PLAGL1: variants seen among roughly 807,000 people sequenced by gnomAD.
The protein encoded by PLAGL1 is zinc finger protein PLAGL1.
Under a neutral mutation model 4.6 loss-of-function variants are expected in PLAGL1, and 1 was observed. That is an observed-to-expected ratio of 0.22 (90% CI 0.08 to 1.03). The LOEUF is 1.03. Among genes scored for constraint, PLAGL1 ranks in the 50% least tolerant of loss-of-function variants. The pLI, the probability that PLAGL1 is intolerant of heterozygous loss-of-function variation, is 0.58. For synonymous variants in PLAGL1, 240 were observed against 237.8 expected (o/e 1.01, Z -0.08); for missense variants, 464 against 570.4 (o/e 0.81, Z 1.90).
At position 143,997,111 on chromosome 6, in the gene PLAGL1, TGA is replaced by T. The variant is rs1444240036; in HGVS notation, c.-584+10977_-584+10978del. On this transcript the variant is annotated intron_variant, in intron 1 of 7. Coordinates refer to ENST00000674357, the MANE Select transcript of PLAGL1 (RefSeq NM_001317162.2). The surrounding 1 kb of genome is among the most constrained non-coding windows in gnomAD (Gnocchi z 4.6). ...TGAAAACCATGAGACCATGAAGCCATGAGATATCACCTCAAACCCACCAGAGG... is the reference window on the plus strand; with the variant it reads ...TGAAAACCATGAGACCATGAAGCCATGATATCACCTCAAACCCACCAGAGG... 6.6e-6 allele frequency among the ~76,000 whole-genome samples: 1 copy of T among 152,164 alleles called. No homozygotes were observed. The highest frequency in any genetic ancestry group is 1.5e-5 in the Non-Finnish European group (1 of 68,038).
Position 144,004,420 on chromosome 6 carries a change from T to C in PLAGL1, c.-584+3670A>G, listed in dbSNP as rs568296614. ...CAGGCCATAGTTTGCCAACCCTTGA[T>C]ACAAAGCAAAAATAAAAAACAAACA... On this transcript the variant is annotated intron_variant, in intron 1 of 7. Coordinates refer to ENST00000674357, the MANE Select transcript of PLAGL1 (RefSeq NM_001317162.2). The surrounding 1 kb of genome is among the most constrained non-coding windows in gnomAD (Gnocchi z 4.2). Among the ~76,000 whole-genome samples the C allele has an allele frequency of 2.4e-4, 37 of 152,234 alleles. No homozygotes were observed. Among genetic ancestry groups the C allele is most frequent in the Non-Finnish European group, 4.4e-4 (30 of 68,042 alleles).
chr6:144,025,487 T>A (rs191595677), intron 1 of PLAGL1, among the ~76,000 whole-genome samples: 343 of 152,356 alleles, frequency 2.3e-3, no homozygotes, highest in Middle Eastern at 0.014. Context: ...AAATGTAAGA[T>A]GTTAATGCTC....
chr6:144,019,044 A>G (rs956192548), intron 1 of PLAGL1, among the ~76,000 whole-genome samples: 1 of 152,154 alleles, frequency 6.6e-6, no homozygotes, highest in Admixed American at 6.5e-5. Context: ...TAAAACAACA[A>G]CAACAACAAC....
rs566033168 is a variant in PLAGL1, at chr6:143,944,394, G to A, written c.153-1731C>T. Among the ~76,000 whole-genome samples, 65 of 151,868 alleles carry A rather than the reference G, an allele frequency of 4.3e-4. No individual in the cohort carries two copies. The Middle Eastern group carries it at 0.014, about 32-fold the overall frequency. On this transcript the variant is annotated intron_variant, in intron 7 of 7. Transcript: ENST00000674357. ...AAAAAATATAAAGCTAATCTGAATC[G>A]AACTGTCATTTTCTTAAAAATAAAG... is the stretch of plus-strand genomic sequence containing the variant.
intron 1 of PLAGL1, among the ~76,000 whole-genome samples, chr6:143,993,035 G>A (rs1315916890): frequency 6.7e-6 from 1 of 150,126 alleles, no homozygotes; most frequent in Admixed American, 6.6e-5. Context: ...ACGGCCGGGT[G>A]CGGTGGCTCA....
Position 143,954,661 on chromosome 6 carries a change from A to T in PLAGL1, c.-325+5808T>A, listed in dbSNP as rs1454388698. ...TAACAAAACAGAGTATACTATCTTC[A>T]TCACATGACAAAGTTACCTATTATC... On this transcript the variant is annotated intron_variant, in intron 6 of 7. Coordinates refer to ENST00000674357, the MANE Select transcript of PLAGL1 (RefSeq NM_001317162.2). The surrounding 1 kb of genome is among the most constrained non-coding windows in gnomAD (Gnocchi z 5.1). Among the ~76,000 whole-genome samples, 1 of 152,270 alleles carries T rather than the reference A, an allele frequency of 6.6e-6. No individual in the cohort carries two copies. The highest frequency in any genetic ancestry group is 2.4e-5 in the African/African-American group (1 of 41,476).
Position 144,036,839 on chromosome 6 carries a change from G to A in PLAGL1, c.-151+27629C>T. On this transcript the variant is annotated intron_variant, in intron 1 of 3. Coordinates refer to the PLAGL1 transcript ENST00000437412. The surrounding 1 kb of genome is among the most constrained non-coding windows in gnomAD (Gnocchi z 5.1). ...GACTAAACAGGTTTGAAATACTCTG[G>A]CATAAAATGAAGGCCATCCCCTAAT... 3.3e-6 allele frequency: 1 copy of A among 304,084 alleles called. No homozygotes were observed. The allele number at this position is 304,084 out of a possible 1,614,324, so 18.8% of individuals were successfully genotyped here.
At position 143,952,772 on chromosome 6, in the gene PLAGL1, C is replaced by T. The variant is rs999296331; in HGVS notation, c.-324-4312G>A. Among the ~76,000 whole-genome samples, 1 of 152,192 alleles carries T rather than the reference C, an allele frequency of 6.6e-6. No individual in the cohort carries two copies. Among genetic ancestry groups the T allele is most frequent in the East Asian group, 1.9e-4 (1 of 5,196 alleles). The stretch of plus-strand genomic sequence containing the variant: ...GACTTCTGGCATCTATTTCCATTGT[C>T]CTCAGTGACACAATCAATGCAAGGC... On this transcript the variant is annotated intron_variant, in intron 6 of 7. Coordinates refer to ENST00000674357, the MANE Select transcript of PLAGL1 (RefSeq NM_001317162.2). This position sits in a 1 kb window ranked among gnomAD's most constrained non-coding sequence, Gnocchi z 6.1.
Position 144,050,777 on chromosome 6 carries a change from G to T in PLAGL1, c.-151+13691C>A, listed in dbSNP as rs1299609807. The stretch of plus-strand genomic sequence containing the variant: ...TCAGGTGTGGTGGCACATGCCTGTT[G>T]TCCCAGCTACTCAAGAGGCTGAGGT... On this transcript the variant is annotated intron_variant, in intron 1 of 3. Coordinates refer to the PLAGL1 transcript ENST00000437412. This position sits in a 1 kb window ranked among gnomAD's most constrained non-coding sequence, Gnocchi z 4.3. Among the ~76,000 whole-genome samples, 7 of 152,090 alleles carry T rather than the reference G, an allele frequency of 4.6e-5. No individual in the cohort carries two copies. Among genetic ancestry groups the T allele is most frequent in the Non-Finnish European group, 1.0e-4 (7 of 68,020 alleles).
At position 143,957,299 on chromosome 6, in the gene PLAGL1, T is replaced by G. The variant is rs1430801969; in HGVS notation, c.-325+3170A>C. 6.6e-6 allele frequency among the ~76,000 whole-genome samples: 1 copy of G among 151,906 alleles called. No individual in the cohort carries two copies. Among genetic ancestry groups the G allele is most frequent in the Non-Finnish European group, 1.5e-5 (1 of 67,974 alleles). On this transcript the variant is annotated intron_variant, in intron 6 of 7. Transcript: ENST00000674357. This position sits in a 1 kb window ranked among gnomAD's most constrained non-coding sequence, Gnocchi z 4.2. The stretch of plus-strand genomic sequence containing the variant: ...TGAATGAAGACTCTCAGGAGTCTGG[T>G]GGGGGGGTGAGGGGTGGAGAGCAAC...
At position 143,941,608 on chromosome 6, in the gene PLAGL1, A is replaced by C. The variant is rs1488121732; in HGVS notation, c.1208T>G (p.Leu403Arg). Residue 403 changes from leucine (L) to arginine (R), a missense_variant, in exon 8 of 8, where the codon CTT becomes CGT. By Grantham distance (102) the Leu-to-Arg change is moderately radical. Around this residue, in one of 4 missense-constraint regions of PLAGL1, gnomAD observed 248 missense variants for 250.1 expected, o/e 0.99. Transcript: ENST00000674357. The surrounding 1 kb of genome is among the most constrained non-coding windows in gnomAD (Gnocchi z 6.0). ...ATQNTFGNST[L>R]ALGPGESLPH... is the part of the protein sequence containing the mutation. ...CAAAGATTCCCCAGGCCCCAGGGCA[A>C]GAGTGCTATTCCCAAAGGTATTTTG... 7 of 1,613,666 alleles carry C rather than the reference A, an allele frequency of 4.3e-6. No homozygotes were observed. Among genetic ancestry groups the C allele is most frequent in the Middle Eastern group, 1.7e-4 (1 of 6,058 alleles).
Position 143,966,034 on chromosome 6 carries a change from C to T in PLAGL1, c.-431+124G>A, listed in dbSNP as rs915035902. Reference sequence around the variant, plus strand: ...TTAGGTCAGTGTAGAGAGATATTTCCGCATGCTAGAGGCAGATCCATATTG... The same window carrying T: ...TTAGGTCAGTGTAGAGAGATATTTCTGCATGCTAGAGGCAGATCCATATTG... On this transcript the variant is annotated intron_variant, in intron 4 of 7. Coordinates refer to ENST00000674357, the MANE Select transcript of PLAGL1 (RefSeq NM_001317162.2). The surrounding 1 kb of genome is among the most constrained non-coding windows in gnomAD (Gnocchi z 6.0). 5 of 152,170 alleles carry T rather than the reference C, an allele frequency of 3.3e-5. No homozygotes were observed. Among genetic ancestry groups the T allele is most frequent in the Non-Finnish European group, 7.3e-5 (5 of 68,070 alleles). The allele number at this position is 152,170 out of a possible 1,614,324, so 9.4% of individuals were successfully genotyped here.
In PLAGL1 at chr6:143,941,676, C is replaced by G. The variant is rs755923312; in HGVS notation, c.1140G>C (p.Leu380=). The change falls in exon 8 of 8, where the codon CTG becomes CTC. Residue 380 remains leucine, a synonymous_variant. Coordinates refer to ENST00000674357, the MANE Select transcript of PLAGL1 (RefSeq NM_001317162.2). This position sits in a 1 kb window ranked among gnomAD's most constrained non-coding sequence, Gnocchi z 6.0. ...VNLTIPASLD[L]SPLLGFWQLP... is the part of the protein sequence containing the mutation. ...GCTGCCAGAAGCCCAACAGGGGGGA[C>G]AGGTCCAGAGAGGCAGGTATTGTTA... 4 of 1,614,228 alleles carry G rather than the reference C, an allele frequency of 2.5e-6. No homozygotes were observed. Among genetic ancestry groups the G allele is most frequent in the Non-Finnish European group, 3.4e-6 (4 of 1,180,044 alleles).
Position 143,980,210 on chromosome 6 carries a change from G to C in PLAGL1, c.-544+4925C>G, listed in dbSNP as rs150730421. ...TAGTTTTCTTCATGTTTTTGTGCTT[G>C]CTTGATATTTATTTAACTTAGATTT... On this transcript the variant is annotated intron_variant, in intron 2 of 7. Transcript: ENST00000674357. Among the ~76,000 whole-genome samples the C allele has an allele frequency of 5.3e-5, 8 of 152,044 alleles. No homozygotes were observed. In the East Asian group the frequency reaches 1.5e-3, roughly 29 times the overall value.
Position 144,048,613 on chromosome 6 carries a change from AT to A in PLAGL1, c.-151+15854del. ...AGCTGTATGTTGGCCCCTTTTAGCT[AT>A]GGCTGGGACACAGGGTGCCAAGTCC... is the stretch of plus-strand genomic sequence containing the variant. On this transcript the variant is annotated intron_variant, in intron 1 of 3. Transcript: ENST00000437412. The surrounding 1 kb of genome is among the most constrained non-coding windows in gnomAD (Gnocchi z 4.8). Among the ~76,000 whole-genome samples the A allele has an allele frequency of 6.6e-6, 1 of 152,264 alleles. No individual in the cohort carries two copies. The highest frequency in any genetic ancestry group is 2.1e-4 in the South Asian group (1 of 4,828).
At position 143,963,200 on chromosome 6, in the gene PLAGL1, G is replaced by A. The variant is rs1783726205; in HGVS notation, c.-399+1587C>T. Among the ~76,000 whole-genome samples, 1 of 152,128 alleles carries A rather than the reference G, an allele frequency of 6.6e-6. No individual in the cohort carries two copies. Among genetic ancestry groups the A allele is most frequent in the African/African-American group, 2.4e-5 (1 of 41,416 alleles). On this transcript the variant is annotated intron_variant, in intron 5 of 7. Transcript: ENST00000674357. The surrounding 1 kb of genome is among the most constrained non-coding windows in gnomAD (Gnocchi z 6.1). ...TCACATTAATACATGATCTCCCTGGGGGACCCCATGCACAACCCAAGGTTA... is the reference window on the plus strand; with the variant it reads ...TCACATTAATACATGATCTCCCTGGAGGACCCCATGCACAACCCAAGGTTA...
intron 1 of PLAGL1, among the ~76,000 whole-genome samples, chr6:144,043,141 C>T (rs1797866090): frequency 6.6e-6 from 1 of 152,206 alleles, no homozygotes; most frequent in Admixed American, 6.5e-5. Context: ...TTGACTTCTT[C>T]TCTTCCTAAT....
chr6:143,944,078 T>C (rs1033167549), intron 7 of PLAGL1, among the ~76,000 whole-genome samples: 2 of 152,212 alleles, frequency 1.3e-5, no homozygotes, highest in Non-Finnish European at 2.9e-5. Flanking sequence ...CTTTAGGGGT[T>C]TTGTCACGAG....
chr6:144,011,951 G>GC (rs1795220203), upstream of PLAGL1, among the ~76,000 whole-genome samples: 1 of 152,164 alleles, frequency 6.6e-6, no homozygotes, highest in Admixed American at 6.5e-5. This position sits in a 1 kb window ranked among gnomAD's most constrained non-coding sequence, Gnocchi z 4.3. Context: ...TCACAGGTGT[G>GC]CCCTGCCTTT....
Sources: allele counts gnomAD v4.1 joint callset (sites outside exome capture counted in the v4.1 genomes callset), GRCh38; gene constraint gnomAD v4.1.1; regional missense constraint gnomAD v4.1.1; non-coding constraint Gnocchi (gnomAD v3.1); transcripts MANE v1.5; gene names NCBI Gene and HGNC (gene_info 2026-07-23, HGNC 2026-07-21).